Variants in CRTC2 observed in about 807,000 individuals in gnomAD.
CRTC2 encodes CREB-regulated transcription coactivator 2.
CRTC2 carries 25 observed loss-of-function variants against 70.9 expected under a neutral mutation model. The ratio of observed to expected loss-of-function variants is 0.35; its 90% CI spans 0.26 to 0.49. The LOEUF (loss-of-function observed/expected upper bound fraction) is 0.49, where lower values mean the gene tolerates loss of function less well. CRTC2 is among the 20% of genes least tolerant of loss of function. CRTC2 has a pLI of 0.98. For synonymous variants in CRTC2, 330 were observed against 364.1 expected (o/e 0.91, Z 1.07); for missense variants, 737 against 882.6 (o/e 0.83, Z 2.09).
At position 153,952,598 on chromosome 1, in the gene CRTC2, A is replaced by G; in HGVS notation, c.675T>C (p.His225=). 3.7e-6 allele frequency: 6 copies of G among 1,614,198 alleles called. No homozygotes were observed. The highest frequency in any genetic ancestry group is 5.1e-6 in the Non-Finnish European group (6 of 1,180,038). ...AIEENLLDDK[H]LLKPWDAKKL... ...TCTTAGCATCCCATGGCTTCAGCAAATGCTTGTCATCTAGCAAGTTCTCCT... is the reference window on the plus strand; with the variant it reads ...TCTTAGCATCCCATGGCTTCAGCAAGTGCTTGTCATCTAGCAAGTTCTCCT... The change falls in exon 8 of 14, where the codon CAT becomes CAC. Residue 225 remains histidine, a synonymous_variant. Transcript: ENST00000368633.
At chr1:153,957,759 C>G (rs1351111693) in intron 1 of CRTC2, among the ~76,000 whole-genome samples, 1 of 152,138 alleles carries the variant, frequency 6.6e-6, no homozygotes, top group Non-Finnish European at 1.5e-5. Context: ...AGCAATGGAC[C>G]TCACCTTCAT....
At chr1:153,953,467 T>C (rs1293012380) in intron 5 of CRTC2, 71 bp downstream of exon 5, 1 of 1,534,352 alleles carries the variant, frequency 6.5e-7, no homozygotes, top group African/African-American at 1.4e-5. Flanking sequence ...TGGAACAGGG[T>C]GGGGGTGAGG....
chr1:153,948,004 G>A lies in CRTC2; in HGVS notation c.*105C>T. 1 of 1,108,074 alleles carries A rather than the reference G, an allele frequency of 9.0e-7. No homozygotes were observed. The highest frequency in any genetic ancestry group is 1.5e-5 in the African/African-American group (1 of 64,654). 68.6% of individuals were successfully genotyped at this position (1,108,074 alleles called of 1,614,324 possible). Reference sequence around the variant, plus strand: ...TGGCATCCTTCATTCATGCTAGAAAGAGGATCTGGGGACAGAGAGTAGAGT... The same window carrying A: ...TGGCATCCTTCATTCATGCTAGAAAAAGGATCTGGGGACAGAGAGTAGAGT... On this transcript the variant is annotated 3_prime_UTR_variant, in exon 14 of 14. Transcript: ENST00000368633.
Position 153,952,057 on chromosome 1 carries a change from T to C in CRTC2, c.958A>G (p.Ser320Gly), listed in dbSNP as rs779877153. 7 of 1,614,014 alleles carry C rather than the reference T, an allele frequency of 4.3e-6. No individual in the cohort carries two copies. In the Admixed American group the frequency reaches 1.2e-4, roughly 27 times the overall value. ...LTHTMTHLGI[S>G]RGMGLGPGYD... Reference sequence around the variant, plus strand: ...CCTGGGCCCAGGCCCATGCCCCTGCTGATGCCCAGGTGAGTCATGGTGTGG... The same window carrying C: ...CCTGGGCCCAGGCCCATGCCCCTGCCGATGCCCAGGTGAGTCATGGTGTGG... The change falls in exon 10 of 14, where the codon AGC becomes GGC. Residue 320 changes from serine (S) to glycine (G), a missense_variant. Physicochemically the swap from Ser to Gly is moderately conservative, Grantham distance 56. Coordinates refer to ENST00000368633, the MANE Select transcript of CRTC2 (RefSeq NM_181715.3).
In CRTC2 at chr1:153,949,113, A is replaced by G; in HGVS notation, c.1674+2T>C. Reference sequence around the variant, plus strand: ...TTTTGAGCAAGGAGCCTGAGTACTCACATTCCCCAGGTTGAAGTCACTCAT... The same window carrying G: ...TTTTGAGCAAGGAGCCTGAGTACTCGCATTCCCCAGGTTGAAGTCACTCAT... On this transcript the variant is annotated splice_donor_variant, in intron 12 of 13. Transcript: ENST00000368633. LOFTEE classifies it high-confidence loss of function. The G allele has an allele frequency of 6.2e-7, 1 of 1,604,202 alleles. No homozygotes were observed. Among genetic ancestry groups the G allele is most frequent in the South Asian group, 1.1e-5 (1 of 89,682 alleles).
At chr1:153,953,206 A>C in intron 6 of CRTC2, 60 bp downstream of exon 6, 1 of 827,960 alleles carries the variant, frequency 1.2e-6, no homozygotes, top group Non-Finnish European at 1.8e-6. Flanking sequence ...ATAATAAATA[A>C]ATAAATAAAT....
In CRTC2 at chr1:153,948,103, G is replaced by A. The variant is rs1409023830; in HGVS notation, c.*6C>T. On this transcript the variant is annotated 3_prime_UTR_variant, in exon 14 of 14. Coordinates refer to ENST00000368633, the MANE Select transcript of CRTC2 (RefSeq NM_181715.3). ...GGCCAAGAAGAGGGATGGTGATGAG[G>A]TGCCCTCATTGGAGCCGGTCACTGC... 4 of 1,613,826 alleles carry A rather than the reference G, an allele frequency of 2.5e-6. No homozygotes were observed. The South Asian group carries it at 3.3e-5, about 13-fold the overall frequency.
At chr1:153,949,807 A>G (rs1200229838) in intron 11 of CRTC2, among the ~76,000 whole-genome samples, 3 of 151,908 alleles carry the variant, frequency 2.0e-5, no homozygotes, top group Non-Finnish European at 4.4e-5. Context: ...CCAAGATCAC[A>G]CCACTGCACT....
At chr1:153,954,545 T>C (rs565756139) in intron 3 of CRTC2, among the ~76,000 whole-genome samples, 3 of 152,332 alleles carry the variant, frequency 2.0e-5, no homozygotes, top group Non-Finnish European at 4.4e-5. Context: ...GAGACAGTTA[T>C]GCAGGTCTCT....
Position 153,951,497 on chromosome 1 carries a change from G to A in CRTC2, c.1167C>T (p.His389=), listed in dbSNP as rs1258669607. 1 of 1,601,004 alleles carries A rather than the reference G, an allele frequency of 6.2e-7. No homozygotes were observed. The highest frequency in any genetic ancestry group is 1.7e-5 in the Admixed American group (1 of 58,970). ...AGAGAGCCGGAGCACTGAGTGAGGGGTGGCCCAGGGAGGTGGTGGGCAGTA... is the reference window on the plus strand; with the variant it reads ...AGAGAGCCGGAGCACTGAGTGAGGGATGGCCCAGGGAGGTGGTGGGCAGTA... ...RHVLPTTSLG[H]PSLSAPALSS... Residue 389 remains histidine (H), a synonymous_variant, in exon 11 of 14, where the codon CAC becomes CAT. Coordinates refer to ENST00000368633, the MANE Select transcript of CRTC2 (RefSeq NM_181715.3).
chr1:153,950,149 T>C (rs1253904425), intron 11 of CRTC2, among the ~76,000 whole-genome samples: 1 of 152,166 alleles, frequency 6.6e-6, no homozygotes, highest in African/African-American at 2.4e-5. Flanking sequence ...CCAGGCTAGT[T>C]TTGAACTCCC....
intron 1 of CRTC2, among the ~76,000 whole-genome samples, chr1:153,955,681 C>CA (rs757350237): frequency 9.9e-4 from 123 of 124,864 alleles, no homozygotes; most frequent in East Asian, 3.4e-3. Flanking sequence ...ATCCTGTCTC[C>CA]AAAAAAAAAA....
At position 153,952,258 on chromosome 1, in the gene CRTC2, A is replaced by G. The variant is rs538137211; in HGVS notation, c.757T>C (p.Phe253Leu). Residue 253 changes from phenylalanine (F) to leucine (L), a missense_variant, in exon 10 of 14, where the codon TTT (phenylalanine) becomes CTT (leucine). By Grantham distance (22) the Phe-to-Leu change is conservative. Around this residue, in one of 3 missense-constraint regions of CRTC2, gnomAD observed 699 missense variants for 823.7 expected, o/e 0.85. Transcript: ENST00000368633. The stretch of plus-strand genomic sequence containing the variant: ...TTGGCAGGCTGGTCAGGAGATGGAA[A>G]GATGCTAGGGGAAGGAGAGAAAAAG... Reference protein sequence around the residue: ...RSCEVPGINIFPSPDQPANVP... With the variant: ...RSCEVPGINILPSPDQPANVP... The G allele has an allele frequency of 5.2e-5, 83 of 1,606,456 alleles. No individual in the cohort carries two copies. In the South Asian group the frequency reaches 8.8e-4, roughly 17 times the overall value.
chr1:153,947,701 T>C lies in CRTC2; in HGVS notation c.*408A>G. 1 of 156,728 alleles carries C rather than the reference T, an allele frequency of 6.4e-6. No individual in the cohort carries two copies. The allele number at this position is 156,728 out of a possible 1,614,324, so 9.7% of individuals were successfully genotyped here. Reference sequence around the variant, plus strand: ...TTGATATGATTTTTTTATTAACATATAATAATATATTTAATAAAAAATAGT... The same window carrying C: ...TTGATATGATTTTTTTATTAACATACAATAATATATTTAATAAAAAATAGT... On this transcript the variant is annotated 3_prime_UTR_variant, in exon 14 of 14. Coordinates refer to ENST00000368633, the MANE Select transcript of CRTC2 (RefSeq NM_181715.3).
chr1:153,950,556 CAAG>C (rs985781016), intron 11 of CRTC2, among the ~76,000 whole-genome samples: 3 of 151,904 alleles, frequency 2.0e-5, no homozygotes, highest in Admixed American at 6.6e-5. Flanking sequence ...AGATAGAGAA[CAAG>C]AAGAAAAGGA....
rs1280652473 is a variant in CRTC2, at chr1:153,954,876, G to A, written c.369C>T (p.Arg123=). 6.2e-7 allele frequency: 1 copy of A among 1,612,490 alleles called. No homozygotes were observed. The highest frequency in any genetic ancestry group is 8.5e-7 in the Non-Finnish European group (1 of 1,179,622). ...CCAAGTCCCCTGTGAAGGATATGTGGCGGGTGTATCGGCGAAGTGGGGACA... is the reference window on the plus strand; with the variant it reads ...CCAAGTCCCCTGTGAAGGATATGTGACGGGTGTATCGGCGAAGTGGGGACA... ...RMVSPLRRYT[R]HIDSSPYSPA... is the part of the protein sequence containing the mutation. The change falls in exon 3 of 14, where the codon CGC becomes CGT. Residue 123 remains arginine (R), a synonymous_variant. Coordinates refer to ENST00000368633, the MANE Select transcript of CRTC2 (RefSeq NM_181715.3).
In CRTC2 at chr1:153,953,084, G is replaced by A. The variant is rs546719641; in HGVS notation, c.607+182C>T. 464 of 608,442 alleles carry A rather than the reference G, an allele frequency of 7.6e-4. 2 individuals are homozygous for A. The highest frequency in any genetic ancestry group is 1.3e-3 in the Non-Finnish European group (435 of 347,574). 37.7% of individuals were successfully genotyped at this position (608,442 alleles called of 1,614,324 possible). ...TGTAATCCCAGCTACTCAGGAGGCT[G>A]AGGCAGGAGAATCGCTTGAACTCGG... On this transcript the variant is annotated intron_variant, in intron 6 of 13. Transcript: ENST00000368633.
At chr1:153,958,324 C>T (rs746900860) in intron 1 of CRTC2, 21 bp downstream of exon 1, 1 of 1,608,350 alleles carries the variant, frequency 6.2e-7, no homozygotes, top group Admixed American at 1.7e-5. Flanking sequence ...TCTGCTCCGG[C>T]TCCCCGGCGC....
rs1314806134 is a variant in CRTC2 at position 153,951,619 on chromosome 1, T to C, written c.1045A>G (p.Asn349Asp). ...SHPSLQSSLSNPNLQASLSSP... is the reference protein window; with the variant it reads ...SHPSLQSSLSDPNLQASLSSP... ...CTCAGGGAAGCCTGGAGGTTGGGATTGCTTAGGGAGGACTGCAGGGATGGG... is the reference window on the plus strand; with the variant it reads ...CTCAGGGAAGCCTGGAGGTTGGGATCGCTTAGGGAGGACTGCAGGGATGGG... Residue 349 changes from asparagine (N) to aspartate (D), a missense_variant, in exon 11 of 14, where the codon AAT becomes GAT. Physicochemically the swap from Asn to Asp is conservative, Grantham distance 23. Coordinates refer to ENST00000368633, the MANE Select transcript of CRTC2 (RefSeq NM_181715.3). 6.2e-7 allele frequency: 1 copy of C among 1,613,482 alleles called. No homozygotes were observed.
Sources: gnomAD v4.1 joint callset for allele counts (sites outside exome capture counted in the v4.1 genomes callset) on GRCh38, gnomAD v4.1.1 for gene constraint, gnomAD v4.1.1 regional missense constraint, MANE v1.5 for transcripts, NCBI Gene and HGNC (gene_info 2026-07-23, HGNC 2026-07-21) for gene names.